The following DPP4 variants were observed in gnomAD, a reference collection of about 807,000 sequenced individuals.
DPP4 encodes dipeptidyl peptidase 4, also known as ADCP-2.
In DPP4, 93 loss-of-function variants were observed where a neutral mutation model predicts 122.4. The observed-to-expected ratio is 0.76, with a 90% confidence interval of 0.64 to 0.90. The LOEUF (loss-of-function observed/expected upper bound fraction) is 0.90, where lower values mean the gene tolerates loss of function less well. Ranked by LOEUF, DPP4 falls within the 40% of genes least tolerant of loss-of-function variation. DPP4 has a pLI of 0.00. For synonymous variants in DPP4, 321 were observed against 302.9 expected, an observed-to-expected ratio of 1.06 and a Z score of -0.62; for missense variants, 914 against 907.3, an observed-to-expected ratio of 1.01 and a Z score of -0.09.
intron 23 of DPP4, among the ~76,000 whole-genome samples, chr2:162,004,890 A>G (rs1028925664): frequency 1.3e-5 from 2 of 152,226 alleles, no homozygotes; most frequent in African/African-American, 4.8e-5. Context: ...AAGAATTGTG[A>G]ACAATCTTTG....
At chr2:162,022,708 C>T (rs1266401994) in intron 12 of DPP4, 47 bp downstream of exon 12, 1 of 1,580,382 alleles carries the variant, frequency 6.3e-7, no homozygotes, top group Admixed American at 1.7e-5. Context: ...TATCAAATAG[C>T]TGAGTAGCTG....
intron 9 of DPP4, 22 bp from the exon 10 acceptor site, chr2:162,033,675 A>T: frequency 6.5e-7 from 1 of 1,532,336 alleles, no homozygotes; most frequent in Non-Finnish European, 8.9e-7. Flanking sequence ...TAATCACAGA[A>T]TTGGTATTGA....
intron 2 of DPP4, among the ~76,000 whole-genome samples, chr2:162,055,794 C>T (rs1684553343): frequency 1.3e-5 from 2 of 152,188 alleles, no homozygotes; most frequent in South Asian, 4.1e-4. Flanking sequence ...GGGACATAAT[C>T]ATTTTCCAAT....
At position 161,995,005 on chromosome 2, in the gene DPP4, T is replaced by A. The variant is rs767438006; in HGVS notation, c.2155A>T (p.Ile719Phe). 3 of 1,613,924 alleles carry A rather than the reference T, an allele frequency of 1.9e-6. No individual in the cohort carries two copies. In the African/African-American group the frequency reaches 4.0e-5, roughly 22 times the overall value. The part of the protein sequence containing the change: ...DNVHFQQSAQ[I>F]SKALVDVGVD... ...CCAACATCGACCAGGGCTTTGGAGATCTGAGCTGACTGCTGAAAGTGAACG... is the reference window on the plus strand; with the variant it reads ...CCAACATCGACCAGGGCTTTGGAGAACTGAGCTGACTGCTGAAAGTGAACG... The change falls in exon 25 of 26, where the codon ATC (isoleucine) becomes TTC (phenylalanine). Residue 719 changes from isoleucine (I) to phenylalanine (F), a missense_variant. Coordinates refer to ENST00000360534, the MANE Select transcript of DPP4 (RefSeq NM_001935.4).
At chr2:162,006,856 G>T (rs1039205483) in intron 22 of DPP4, among the ~76,000 whole-genome samples, 1 of 151,988 alleles carries the variant, frequency 6.6e-6, no homozygotes, top group Non-Finnish European at 1.5e-5. Context: ...TGCTATCTAG[G>T]TTGGTGGCTT....
chr2:162,048,294 T>G (rs1288689794), intron 2 of DPP4, among the ~76,000 whole-genome samples: 4 of 152,196 alleles, frequency 2.6e-5, no homozygotes, highest in Admixed American at 2.6e-4. Flanking sequence ...CATGCCCATC[T>G]AATTGACCCT....
chr2:162,028,270 G>T (rs1439383539), intron 10 of DPP4, among the ~76,000 whole-genome samples: 1 of 152,034 alleles, frequency 6.6e-6, no homozygotes, highest in Non-Finnish European at 1.5e-5. Context: ...GCTGAGGCAG[G>T]AGAACTAATT....
chr2:162,012,137 C>T (rs971936176), intron 19 of DPP4, 150 bp from the exon 20 acceptor site: 7 of 629,470 alleles, frequency 1.1e-5, no homozygotes, highest in Admixed American at 3.1e-5. Context: ...AATGAGTCCT[C>T]TAAAACTTAG....
intron 5 of DPP4, among the ~76,000 whole-genome samples, chr2:162,044,710 T>C (rs1051417643): frequency 3.9e-5 from 6 of 152,160 alleles, no homozygotes; most frequent in African/African-American, 1.4e-4. Context: ...CCCATATCCA[T>C]CCTAAACATG....
At chr2:162,001,038 G>A (rs1701133677) in intron 23 of DPP4, among the ~76,000 whole-genome samples, 1 of 152,028 alleles carries the variant, frequency 6.6e-6, no homozygotes, top group African/African-American at 2.4e-5. Context: ...CCCCCAATAC[G>A]TAACCTATTG....
At chr2:162,005,065 A>G (rs77770606) in intron 23 of DPP4, among the ~76,000 whole-genome samples, 10,673 of 152,260 alleles carry the variant, frequency 0.07, 561 homozygotes, top group East Asian at 0.13. Context: ...AGCTGCATCA[A>G]TGTGGCACCA....
intron 10 of DPP4, among the ~76,000 whole-genome samples, chr2:162,032,487 C>G (rs1039730945): frequency 1.3e-5 from 2 of 152,068 alleles, no homozygotes; most frequent in Admixed American, 1.3e-4. Context: ...GAGTTCGAGA[C>G]CAGCCTGACC....
chr2:162,047,465 G>C lies in DPP4; in HGVS notation c.131C>G (p.Thr44Ser), dbSNP rs1277950178. ...DATADSRKTY[T>S]LTDYLKNTYR... ...AGTATTTTTTAAGTAATCAGTTAGA[G>C]TGTAAGTTTTGCGACTGTCAGCTGT... Residue 44 changes from threonine (T) to serine (S), a missense_variant, in exon 3 of 26, where the codon ACT becomes AGT. By Grantham distance (58) the Thr-to-Ser change is moderately conservative. Coordinates refer to ENST00000360534, the MANE Select transcript of DPP4 (RefSeq NM_001935.4). The C allele has an allele frequency of 6.3e-7, 1 of 1,585,098 alleles. No individual in the cohort carries two copies. Among genetic ancestry groups the C allele is most frequent in the East Asian group, 2.3e-5 (1 of 44,444 alleles).
intron 10 of DPP4, among the ~76,000 whole-genome samples, chr2:162,032,666 A>C (rs1683593054): frequency 6.6e-6 from 1 of 151,774 alleles, no homozygotes; most frequent in East Asian, 1.9e-4. Flanking sequence ...GCGACAGAGC[A>C]AGACTCTGTC....
At chr2:161,995,979 C>T (rs1361492019) in intron 23 of DPP4, among the ~76,000 whole-genome samples, 1 of 151,996 alleles carries the variant, frequency 6.6e-6, no homozygotes, top group Non-Finnish European at 1.5e-5. Context: ...TCAAAAGTGG[C>T]CTTAGAAAAT....
intron 10 of DPP4, among the ~76,000 whole-genome samples, chr2:162,026,161 C>T (rs541570116): frequency 6.6e-6 from 1 of 152,178 alleles, no homozygotes; most frequent in Non-Finnish European, 1.5e-5. Flanking sequence ...GACACCTAAT[C>T]ACACAACAGA....
chr2:162,024,124 G>C (rs762328684), intron 11 of DPP4, among the ~76,000 whole-genome samples: 7 of 152,326 alleles, frequency 4.6e-5, no homozygotes, highest in Non-Finnish European at 8.8e-5. Flanking sequence ...GACTAGATAA[G>C]GGGGATTGGG....
chr2:162,019,138 A>T, intron 15 of DPP4, 85 bp downstream of exon 15: 2 of 1,242,048 alleles, frequency 1.6e-6, no homozygotes, highest in Non-Finnish European at 2.3e-6. Context: ...AATATTAGTT[A>T]GGACAAGGCA....
chr2:162,040,860 A>T (rs920529213), intron 5 of DPP4, among the ~76,000 whole-genome samples: 4 of 152,014 alleles, frequency 2.6e-5, no homozygotes, highest in Non-Finnish European at 5.9e-5. Context: ...ATAAGGGAGT[A>T]TATGGGAACT....
Sources: gnomAD v4.1 joint callset for allele counts (sites outside exome capture counted in the v4.1 genomes callset) on GRCh38, gnomAD v4.1.1 for gene constraint, MANE v1.5 for transcripts, NCBI Gene and HGNC (gene_info 2026-07-23, HGNC 2026-07-21) for gene names.